Variants in RUNX2 observed in about 807,000 individuals in gnomAD.
RUNX2 encodes the protein RUNX family transcription factor 2.
Under a neutral mutation model 51.7 loss-of-function variants are expected in RUNX2, and 10 were observed. The ratio of observed to expected loss-of-function variants is 0.19; its 90% CI spans 0.12 to 0.33. The LOEUF (loss-of-function observed/expected upper bound fraction) is 0.33, where lower values mean the gene tolerates loss of function less well. RUNX2 is among the 10% of genes least tolerant of loss of function. RUNX2 has a pLI of 1.00. For missense variants in RUNX2, 562 were observed against 691.3 expected, an observed-to-expected ratio of 0.81 and a Z score of 2.10; for synonymous variants, 276 against 273.6, an observed-to-expected ratio of 1.01 and a Z score of -0.09.
intron 2 of RUNX2, among the ~76,000 whole-genome samples, chr6:45,352,712 AAAT>A (rs1344627016): frequency 6.6e-6 from 1 of 152,092 alleles, no homozygotes; most frequent in Non-Finnish European, 1.5e-5. Context: ...TCTACTGTAG[AAAT>A]AATTTCTTTA....
At chr6:45,512,497 T>C in intron 7 of RUNX2, 90 bp downstream of exon 7, 4 of 1,391,642 alleles carry the variant, frequency 2.9e-6, no homozygotes, top group Middle Eastern at 1.8e-4. Flanking sequence ...ATGCTCACAG[T>C]GACTCTCTAT....
At chr6:45,427,690 A>G (rs1160480886) in intron 3 of RUNX2, among the ~76,000 whole-genome samples, 1 of 152,150 alleles carries the variant, frequency 6.6e-6, no homozygotes, top group African/African-American at 2.4e-5. Flanking sequence ...TTGGCCTATA[A>G]GAGTAATTGA....
intron 2 of RUNX2, among the ~76,000 whole-genome samples, chr6:45,367,535 G>A (rs553882778): frequency 1.8e-4 from 28 of 152,100 alleles, no homozygotes; most frequent in Non-Finnish European, 2.8e-4. Flanking sequence ...TGCAGAATTG[G>A]GACAAAATGC....
At chr6:45,483,153 A>T (rs1800163280) in intron 5 of RUNX2, among the ~76,000 whole-genome samples, 1 of 152,174 alleles carries the variant, frequency 6.6e-6, no homozygotes, top group South Asian at 2.1e-4. Context: ...CATGGCTATT[A>T]ATTTCCAGCG....
At chr6:45,365,601 C>T (rs188261297) in intron 2 of RUNX2, among the ~76,000 whole-genome samples, 168 of 149,250 alleles carry the variant, frequency 1.1e-3, no homozygotes, top group African/African-American at 4.0e-3. Context: ...TACTAGAGCT[C>T]ATTGGTTTTC....
chr6:45,547,567 A>G lies in RUNX2; in HGVS notation c.*262A>G, dbSNP rs933682511. 19 of 522,164 alleles carry G rather than the reference A, an allele frequency of 3.6e-5. No individual in the cohort carries two copies. Among genetic ancestry groups the G allele is most frequent in the Non-Finnish European group, 6.6e-5 (19 of 289,976 alleles). 32.3% of individuals were successfully genotyped at this position (522,164 alleles called of 1,614,324 possible). On this transcript the variant is annotated 3_prime_UTR_variant, in exon 9 of 9. Coordinates refer to ENST00000647337, the MANE Select transcript of RUNX2 (RefSeq NM_001024630.4). Reference sequence around the variant, plus strand: ...ATTTAAGATGTACTTTTACAAAGGAACAAAGAAGGGAAAAGGTATTTTTGT... The same window carrying G: ...ATTTAAGATGTACTTTTACAAAGGAGCAAAGAAGGGAAAAGGTATTTTTGT...
chr6:45,463,453 C>T (rs1420963675), intron 5 of RUNX2, among the ~76,000 whole-genome samples: 1 of 152,140 alleles, frequency 6.6e-6, no homozygotes, highest in African/African-American at 2.4e-5. Context: ...GAGATATTTT[C>T]TTTCTAGCTG....
chr6:45,474,578 G>T (rs1799901202), intron 5 of RUNX2, among the ~76,000 whole-genome samples: 1 of 152,106 alleles, frequency 6.6e-6, no homozygotes. Flanking sequence ...ATCAGAGTCT[G>T]TAGAGTTTAG....
intron 2 of RUNX2, among the ~76,000 whole-genome samples, chr6:45,418,556 T>C (rs1219885017): frequency 6.6e-6 from 1 of 152,182 alleles, no homozygotes; most frequent in Non-Finnish European, 1.5e-5. Flanking sequence ...AAGCAAACTA[T>C]AGCACAAAAT....
intron 5 of RUNX2, among the ~76,000 whole-genome samples, chr6:45,469,591 G>A (rs565743671): frequency 3.9e-5 from 6 of 152,216 alleles, no homozygotes; most frequent in Non-Finnish European, 7.4e-5. Flanking sequence ...GAGAAAATAC[G>A]GAGAAAGTGC....
chr6:45,443,036 C>CTT (rs10564853), intron 5 of RUNX2, among the ~76,000 whole-genome samples: 17 of 52,204 alleles, frequency 3.3e-4, no homozygotes, highest in Non-Finnish European at 4.7e-4. Flanking sequence ...TCAGGCCTTG[C>CTT]TTTTTTTTTT....
chr6:45,465,507 T>A (rs1799603517), intron 5 of RUNX2, among the ~76,000 whole-genome samples: 2 of 152,094 alleles, frequency 1.3e-5, no homozygotes, highest in South Asian at 4.1e-4. Flanking sequence ...ACTTTTCAGT[T>A]AATTAAAAAG....
intron 6 of RUNX2, among the ~76,000 whole-genome samples, chr6:45,494,343 G>T (rs1033040550): frequency 1.3e-5 from 2 of 152,234 alleles, no homozygotes; most frequent in African/African-American, 2.4e-5. Flanking sequence ...TGCACAGCAA[G>T]TTACTGGCAG....
intron 3 of RUNX2, among the ~76,000 whole-genome samples, chr6:45,429,523 G>A (rs1165028076): frequency 6.6e-6 from 1 of 152,214 alleles, no homozygotes; most frequent in Non-Finnish European, 1.5e-5. Context: ...GACGTGTACA[G>A]AGAGGAAGTC....
chr6:45,547,270 G>A lies in RUNX2; in HGVS notation c.1531G>A (p.Gly511Ser), dbSNP rs11498198. The A allele has an allele frequency of 0.01, 16,718 of 1,614,152 alleles. 95 individuals carry two copies. The highest frequency in any genetic ancestry group is 0.012 in the Non-Finnish European group (14,426 of 1,180,004). Reference sequence around the variant, plus strand: ...TTCCCCAACTGTTTTGAATTCTAGTGGCAGAATGGATGAATCTGTTTGGCG... The same window carrying A: ...TTCCCCAACTGTTTTGAATTCTAGTAGCAGAATGGATGAATCTGTTTGGCG... ...SSSPTVLNSSGRMDESVWRPY is the reference protein window; with the variant it reads ...SSSPTVLNSSSRMDESVWRPY The change falls in exon 9 of 9, where the codon GGC (glycine) becomes AGC (serine). Residue 511 changes from glycine (G) to serine (S), a missense_variant. By Grantham distance (56) the Gly-to-Ser change is moderately conservative (BLOSUM62 0). Around this residue, in one of 5 missense-constraint regions of RUNX2, gnomAD observed 304 missense variants for 353.2 expected, o/e 0.86. Transcript: ENST00000647337.
chr6:45,401,139 C>T (rs1170284987), intron 2 of RUNX2, among the ~76,000 whole-genome samples: 1 of 152,168 alleles, frequency 6.6e-6, no homozygotes, highest in East Asian at 1.9e-4. Context: ...AGCCATCCAT[C>T]CTACCCTCTC....
At chr6:45,399,424 A>G (rs1251883800) in intron 2 of RUNX2, among the ~76,000 whole-genome samples, 2 of 120,976 alleles carry the variant, frequency 1.7e-5, no homozygotes, top group Admixed American at 1.2e-4. Flanking sequence ...TAGTGGCACG[A>G]TCTTGGCTCA....
chr6:45,369,695 T>C (rs999992215), intron 2 of RUNX2, among the ~76,000 whole-genome samples: 2 of 152,156 alleles, frequency 1.3e-5, no homozygotes, highest in African/African-American at 4.8e-5. Context: ...GGGCACCTAC[T>C]ACAGGCCAAA....
intron 5 of RUNX2, among the ~76,000 whole-genome samples, chr6:45,460,769 CT>C (rs1799451770): frequency 7.9e-6 from 1 of 126,838 alleles, no homozygotes; most frequent in South Asian, 2.5e-4. Context: ...GACCCCAACT[CT>C]TAAAAAAAAA....
Sources: gnomAD v4.1 joint callset for allele counts (sites outside exome capture counted in the v4.1 genomes callset) on GRCh38, gnomAD v4.1.1 for gene constraint, gnomAD v4.1.1 regional missense constraint, MANE v1.5 for transcripts, NCBI Gene and HGNC (gene_info 2026-07-23, HGNC 2026-07-21) for gene names.